Variants in ITM2B observed in about 807,000 individuals in gnomAD.
The protein encoded by ITM2B is ABri/ADan amyloid peptide.
A neutral mutation model predicts 27.8 loss-of-function variants in ITM2B; 11 were observed. The ratio of observed to expected loss-of-function variants is 0.40; its 90% CI spans 0.25 to 0.66. The LOEUF is 0.66. Among genes scored for constraint, ITM2B ranks in the 30% least tolerant of loss-of-function variants. ITM2B has a pLI of 0.43. For missense variants in ITM2B, 296 were observed against 328.9 expected, an observed-to-expected ratio of 0.90 and a Z score of 0.77; for synonymous variants, 114 against 114.3, an observed-to-expected ratio of 1.00 and a Z score of 0.02.
intron 1 of ITM2B, among the ~76,000 whole-genome samples, chr13:48,248,653 G>A (rs1297637571): frequency 6.6e-6 from 1 of 152,110 alleles, no homozygotes; most frequent in Non-Finnish European, 1.5e-5. Context: ...CACATTGGAA[G>A]AAGAATTGTC....
chr13:48,258,703 C>T, intron 4 of ITM2B, 94 bp from the exon 5 acceptor site: 1 of 1,157,146 alleles, frequency 8.6e-7, no homozygotes, highest in Non-Finnish European at 1.3e-6. Context: ...CAACCTGTTC[C>T]ATACCATAAT....
intron 1 of ITM2B, among the ~76,000 whole-genome samples, chr13:48,253,511 G>T (rs1271482698): frequency 2.0e-5 from 3 of 152,120 alleles, no homozygotes; most frequent in Non-Finnish European, 2.9e-5. Flanking sequence ...CAAAAGTTGT[G>T]CATGGAAAGT....
At chr13:48,248,268 C>G (rs949336360) in intron 1 of ITM2B, among the ~76,000 whole-genome samples, 1 of 151,470 alleles carries the variant, frequency 6.6e-6, no homozygotes, top group African/African-American at 2.4e-5. Flanking sequence ...TTAGGCTTAT[C>G]TAAAAATCAG....
intron 1 of ITM2B, among the ~76,000 whole-genome samples, chr13:48,247,622 A>G (rs957026842): frequency 6.6e-6 from 1 of 152,242 alleles, no homozygotes; most frequent in Non-Finnish European, 1.5e-5. Flanking sequence ...ATTGAAGCAC[A>G]TTTACTAAAG....
In ITM2B at chr13:48,233,441, C is replaced by T. The variant is rs11556899; in HGVS notation, c.81C>T (p.Leu27=). The change falls in exon 1 of 6, where the codon CTC becomes CTT. Residue 27 remains leucine (L), a synonymous_variant. Transcript: ENST00000647800. ...AGCCCAAGAGCGGCGAGGAGGCGCT[C>T]ATCATCCCCCCCGACGCCGTCGCGG... is the stretch of plus-strand genomic sequence containing the variant. ...KDEPKSGEEA[L]IIPPDAVAVD... is the part of the protein sequence containing the mutation. The T allele has an allele frequency of 0.013, 20,136 of 1,540,578 alleles. 825 individuals carry two copies. The highest frequency in any genetic ancestry group is 0.1 in the African/African-American group (7,108 of 70,262).
At chr13:48,256,739 G>A (rs1834375484) in intron 3 of ITM2B, among the ~76,000 whole-genome samples, 1 of 152,112 alleles carries the variant, frequency 6.6e-6, no homozygotes, top group Non-Finnish European at 1.5e-5. Flanking sequence ...CTGTTTTTAA[G>A]TTCTCATTCT....
chr13:48,260,569 A>C lies in ITM2B; in HGVS notation c.716-570A>C, dbSNP rs139231195. 5.0e-3 allele frequency among the ~76,000 whole-genome samples: 758 copies of C among 150,598 alleles called. 5 individuals are homozygous for C. Among genetic ancestry groups the C allele is most frequent in the Middle Eastern group, 0.01 (3 of 294 alleles). ...TATGTATCATTCCCATCTTTATGTC[A>C]GTGAGTTCCCAGTGTTTAGCTCCTA... On this transcript the variant is annotated intron_variant, in intron 5 of 5. Transcript: ENST00000647800.
At chr13:48,233,774 A>G (rs1225133043) in intron 1 of ITM2B, among the ~76,000 whole-genome samples, 1 of 152,182 alleles carries the variant, frequency 6.6e-6, no homozygotes, top group Non-Finnish European at 1.5e-5. Flanking sequence ...GCGTGCGTGC[A>G]GCCAGGACTT....
In ITM2B at chr13:48,262,492, A is replaced by C. The variant is rs761345838; in HGVS notation, c.*1268A>C. The C allele has an allele frequency of 1.6e-4, 24 of 152,156 alleles. No individual in the cohort carries two copies. The highest frequency in any genetic ancestry group is 3.1e-4 in the Non-Finnish European group (21 of 68,014). 9.4% of individuals were successfully genotyped at this position (152,156 alleles called of 1,614,324 possible). On this transcript the variant is annotated 3_prime_UTR_variant, in exon 6 of 6. Transcript: ENST00000647800. ...ATATTGTCAGAACTTTAAGTCAGTG[A>C]GTTGGGTATTCAGGAATTAACAATT...
intron 3 of ITM2B, among the ~76,000 whole-genome samples, chr13:48,257,686 T>G (rs1244543493): frequency 6.6e-6 from 1 of 152,240 alleles, no homozygotes; most frequent in Non-Finnish European, 1.5e-5. Context: ...CCAGCGTTTC[T>G]CATTTGAACC....
intron 2 of ITM2B, among the ~76,000 whole-genome samples, chr13:48,254,572 C>T (rs1022957835): frequency 1.1e-4 from 17 of 152,046 alleles, no homozygotes; most frequent in African/African-American, 3.6e-4. Flanking sequence ...GGCAATAATA[C>T]ACAATTTTTT....
intron 5 of ITM2B, among the ~76,000 whole-genome samples, chr13:48,260,401 A>G (rs1254597113): frequency 2.0e-5 from 3 of 152,144 alleles, no homozygotes; most frequent in Non-Finnish European, 2.9e-5. Flanking sequence ...TTCTGGTTCT[A>G]GATCCTTGAG....
intron 1 of ITM2B, among the ~76,000 whole-genome samples, chr13:48,242,647 T>C (rs1951706102): frequency 6.6e-6 from 1 of 152,196 alleles, no homozygotes; most frequent in African/African-American, 2.4e-5. Context: ...TGTAAAATTC[T>C]AGGTTAGCAT....
rs1011615881 is a variant in ITM2B, at chr13:48,269,189, T to C, written c.*7965T>C. ...GAAGTCATTCTAGATTCCTCTCTTT[T>C]TCATAAACCTCACATCAAATCCATC... On this transcript the variant is annotated 3_prime_UTR_variant, in exon 6 of 6. Transcript: ENST00000647800. 6.6e-6 allele frequency: 1 copy of C among 152,162 alleles called. No individual in the cohort carries two copies. The highest frequency in any genetic ancestry group is 1.5e-5 in the Non-Finnish European group (1 of 68,008). 9.4% of individuals were successfully genotyped at this position (152,162 alleles called of 1,614,324 possible).
chr13:48,234,176 G>T (rs1951653589), intron 1 of ITM2B, among the ~76,000 whole-genome samples: 1 of 152,170 alleles, frequency 6.6e-6, no homozygotes, highest in Admixed American at 6.5e-5. Context: ...CAGCGTCTTT[G>T]TGAGGACTCC....
intron 1 of ITM2B, among the ~76,000 whole-genome samples, chr13:48,249,832 G>T (rs1462896316): frequency 6.6e-6 from 1 of 151,916 alleles, no homozygotes. Context: ...GTTGAATTTT[G>T]TCAAATACAT....
intron 2 of ITM2B, among the ~76,000 whole-genome samples, chr13:48,254,497 T>C (rs1051395561): frequency 4.6e-5 from 7 of 152,256 alleles, no homozygotes; most frequent in African/African-American, 1.7e-4. Flanking sequence ...TCCCAGTGGG[T>C]TAAGACAAAG....
Position 48,261,128 on chromosome 13 carries a change from C to T in ITM2B, c.716-11C>T. The T allele has an allele frequency of 6.2e-7, 1 of 1,600,956 alleles. No individual in the cohort carries two copies. The highest frequency in any genetic ancestry group is 8.5e-7 in the Non-Finnish European group (1 of 1,170,714). On this transcript the variant is annotated splice_polypyrimidine_tract_variant and intron_variant, in intron 5 of 5. Transcript: ENST00000647800. ...TCAAAATTTTAAAAAACTTTTTTCC[C>T]TCTCCAACAGGTATTCAGAAACGTG...
chr13:48,235,362 T>A (rs765109257), intron 1 of ITM2B, among the ~76,000 whole-genome samples: 31 of 152,316 alleles, frequency 2.0e-4, no homozygotes, highest in Non-Finnish European at 3.5e-4. Flanking sequence ...AGATCCTCCA[T>A]ATCCAAAGAA....
Sources: gnomAD v4.1 joint callset for allele counts (sites outside exome capture counted in the v4.1 genomes callset) on GRCh38, gnomAD v4.1.1 for gene constraint, MANE v1.5 for transcripts, NCBI Gene and HGNC (gene_info 2026-07-23, HGNC 2026-07-21) for gene names.